The following GTF2H1 variants were observed in gnomAD, a reference collection of about 807,000 sequenced individuals.
The protein encoded by GTF2H1 is BTF2 p62.
A neutral mutation model predicts 71.2 loss-of-function variants in GTF2H1; 16 were observed. That is an observed-to-expected ratio of 0.22 (90% CI 0.15 to 0.34). The LOEUF (loss-of-function observed/expected upper bound fraction) is 0.34, where lower values mean the gene tolerates loss of function less well. Ranked by LOEUF, GTF2H1 falls within the 10% of genes least tolerant of loss-of-function variation. GTF2H1 has a pLI of 1.00. For missense variants in GTF2H1, 498 were observed against 648.2 expected, an observed-to-expected ratio of 0.77 and a Z score of 2.52; for synonymous variants, 215 against 219.0, an observed-to-expected ratio of 0.98 and a Z score of 0.16.
chr11:18,344,768 G>A (rs1865245695), intron 7 of GTF2H1, among the ~76,000 whole-genome samples: 1 of 152,164 alleles, frequency 6.6e-6, no homozygotes, highest in East Asian at 1.9e-4. Flanking sequence ...CTCAGTTGGG[G>A]CCACTTCTAC....
chr11:18,349,827 G>A (rs1865385557), intron 9 of GTF2H1, among the ~76,000 whole-genome samples: 1 of 152,186 alleles, frequency 6.6e-6, no homozygotes, highest in African/African-American at 2.4e-5. Flanking sequence ...CCTAATGTAT[G>A]GAACACCATA....
At chr11:18,350,192 G>C (rs1395511237) in intron 9 of GTF2H1, among the ~76,000 whole-genome samples, 2 of 152,198 alleles carry the variant, frequency 1.3e-5, no homozygotes, top group Non-Finnish European at 2.9e-5. Context: ...TGTAGAATGA[G>C]AGATTCAGAA....
intron 11 of GTF2H1, among the ~76,000 whole-genome samples, chr11:18,356,981 C>A (rs1229405563): frequency 1.3e-5 from 2 of 151,874 alleles, no homozygotes; most frequent in Non-Finnish European, 2.9e-5. Flanking sequence ...TTTGTAGAGA[C>A]AGGGTTTCAC....
At chr11:18,326,952 C>T (rs1590178639) in intron 1 of GTF2H1, among the ~76,000 whole-genome samples, 1 of 151,844 alleles carries the variant, frequency 6.6e-6, no homozygotes, top group East Asian at 1.9e-4. Flanking sequence ...TCTCTAACTC[C>T]CAACCTCAAG....
intron 11 of GTF2H1, among the ~76,000 whole-genome samples, chr11:18,353,486 T>C (rs769778024): frequency 1.8e-4 from 28 of 152,338 alleles, no homozygotes; most frequent in South Asian, 8.3e-4. Context: ...ATTATCTCCT[T>C]CATGCTTCCT....
At chr11:18,334,481 T>A (rs1002668691) in intron 2 of GTF2H1, among the ~76,000 whole-genome samples, 1 of 152,222 alleles carries the variant, frequency 6.6e-6, no homozygotes, top group African/African-American at 2.4e-5. Context: ...TTAGCAGTAT[T>A]AGCGTCTCTC....
chr11:18,359,354 A>G (rs1865643883), intron 13 of GTF2H1, among the ~76,000 whole-genome samples: 1 of 152,206 alleles, frequency 6.6e-6, no homozygotes, highest in African/African-American at 2.4e-5. Context: ...CAGCCTGGAC[A>G]ACATAGCAAG....
chr11:18,335,674 T>G, intron 2 of GTF2H1, 80 bp from the exon 3 acceptor site: 1 of 994,278 alleles, frequency 1.0e-6, no homozygotes, highest in Non-Finnish European at 1.5e-6. Context: ...TCCTGAATCA[T>G]CTTGGGAGAA....
At chr11:18,334,533 G>T (rs987351355) in intron 2 of GTF2H1, among the ~76,000 whole-genome samples, 2 of 152,142 alleles carry the variant, frequency 1.3e-5, no homozygotes, top group Admixed American at 6.6e-5. Flanking sequence ...TAATACACAC[G>T]CACATTGTGA....
At chr11:18,336,520 T>TC (rs111522158) in intron 3 of GTF2H1, among the ~76,000 whole-genome samples, 1 of 152,184 alleles carries the variant, frequency 6.6e-6, no homozygotes, top group Non-Finnish European at 1.5e-5. Flanking sequence ...TTTAAAATCT[T>TC]ACTGCTTGTT....
At chr11:18,347,459 CATAA>C (rs1288443191) in intron 7 of GTF2H1, 125 bp from the exon 8 acceptor site, 1 of 587,660 alleles carries the variant, frequency 1.7e-6, no homozygotes, top group African/African-American at 1.9e-5. Context: ...AATGTTTGTT[CATAA>C]ATATTTAATG....
intron 1 of GTF2H1, among the ~76,000 whole-genome samples, chr11:18,327,798 G>A (rs1045215392): frequency 1.3e-5 from 2 of 152,128 alleles, no homozygotes; most frequent in Non-Finnish European, 2.9e-5. Flanking sequence ...TATGTTGCAC[G>A]GGCTGGTCGC....
At chr11:18,351,785 AT>A in intron 9 of GTF2H1, 95 bp from the exon 10 acceptor site, 1 of 659,894 alleles carries the variant, frequency 1.5e-6, no homozygotes, top group Non-Finnish European at 2.7e-6. Context: ...GGAAGACTTC[AT>A]TTTTTACCCT....
intron 2 of GTF2H1, 54 bp from the exon 3 acceptor site, chr11:18,335,700 G>GT: frequency 1.5e-6 from 2 of 1,292,864 alleles, no homozygotes; most frequent in South Asian, 2.5e-5. Context: ...TTACTGTATG[G>GT]TTATTCCCAC....
At chr11:18,344,354 T>C (rs902199425) in intron 7 of GTF2H1, among the ~76,000 whole-genome samples, 4 of 152,154 alleles carry the variant, frequency 2.6e-5, no homozygotes, top group African/African-American at 9.7e-5. Flanking sequence ...GCGTGGTGGC[T>C]CGTGCCTGTG....
At chr11:18,357,857 C>T in intron 11 of GTF2H1, 95 bp from the exon 12 acceptor site, 1 of 751,482 alleles carries the variant, frequency 1.3e-6, no homozygotes, top group Non-Finnish European at 2.4e-6. Context: ...AAAAGCACTT[C>T]ATTGTCTGCT....
At chr11:18,360,410 C>T (rs1240933874) in intron 13 of GTF2H1, among the ~76,000 whole-genome samples, 2 of 152,042 alleles carry the variant, frequency 1.3e-5, no homozygotes, top group African/African-American at 4.8e-5. Context: ...CGTGAGCCAC[C>T]ACGTCTGGCC....
At position 18,335,822 on chromosome 11, in the gene GTF2H1, A is replaced by G. The variant is rs767855958; in HGVS notation, c.223A>G (p.Thr75Ala). 11 of 1,613,944 alleles carry G rather than the reference A, an allele frequency of 6.8e-6. No individual in the cohort carries two copies. In the East Asian group the frequency reaches 1.3e-4, roughly 20 times the overall value. ...LQLVLHAGDT[T>A]NFHFSNESTA... ...GCTGGTCCTACATGCAGGGGACACA[A>G]CTAACTTCCATTTTTCCAATGAAAG... Residue 75 changes from threonine to alanine, a missense_variant, in exon 3 of 15, where the codon ACT (threonine) becomes GCT (alanine). Around this residue, in one of 3 missense-constraint regions of GTF2H1, gnomAD observed 216 missense variants for 306.2 expected, o/e 0.71. Transcript: ENST00000265963.
intron 6 of GTF2H1, 44 bp downstream of exon 6, chr11:18,341,454 C>G: frequency 6.2e-7 from 1 of 1,608,242 alleles, no homozygotes; most frequent in South Asian, 1.1e-5. Context: ...AACTTGCCAC[C>G]CTCTAGACAT....
Sources: gnomAD v4.1 joint callset for allele counts (sites outside exome capture counted in the v4.1 genomes callset) on GRCh38, gnomAD v4.1.1 for gene constraint, gnomAD v4.1.1 regional missense constraint, MANE v1.5 for transcripts, NCBI Gene and HGNC (gene_info 2026-07-23, HGNC 2026-07-21) for gene names.